Variants in PATJ observed in about 807,000 individuals in gnomAD.
The protein encoded by PATJ is PATJ crumbs cell polarity complex component, also known as inaD-like protein.
In PATJ, 190 loss-of-function variants were observed where a neutral mutation model predicts 224.9. The ratio of observed to expected loss-of-function variants is 0.84; its 90% confidence interval spans 0.75 to 0.95. The LOEUF (loss-of-function observed/expected upper bound fraction) is 0.95. PATJ is among the 40% of genes least tolerant of loss of function. PATJ has a pLI of 0.00. For missense variants in PATJ, 2,121 were observed against 2,270.3 expected, an observed-to-expected ratio of 0.93 and a Z score of 1.34; for synonymous variants, 769 against 820.3, an observed-to-expected ratio of 0.94 and a Z score of 1.07.
chr1:61,806,358 G>A (rs1318771235), intron 13 of PATJ, among the ~76,000 whole-genome samples: 2 of 152,098 alleles, frequency 1.3e-5, no homozygotes, highest in South Asian at 4.1e-4. Context: ...GGTGGCTCAC[G>A]CCTGTAATTC....
At chr1:62,148,624 A>T (rs1668317570) in intron 42 of PATJ, among the ~76,000 whole-genome samples, 1 of 152,168 alleles carries the variant, frequency 6.6e-6, no homozygotes, top group Non-Finnish European at 1.5e-5. Flanking sequence ...CACAGTGCCT[A>T]TGCCTGCTTC....
intron 14 of PATJ, among the ~76,000 whole-genome samples, chr1:61,809,917 C>T (rs990314897): frequency 6.7e-6 from 1 of 150,214 alleles, no homozygotes; most frequent in African/African-American, 2.4e-5. Flanking sequence ...ATGATCTCAG[C>T]TCATTGCAAC....
rs200148785 is a variant in PATJ, at chr1:62,130,800, G to A, written c.5271+1855G>A. Among the ~76,000 whole-genome samples, 80 of 152,178 alleles carry A rather than the reference G, an allele frequency of 5.3e-4. 1 individual carries two copies. The highest frequency in any genetic ancestry group is 8.1e-4 in the Non-Finnish European group (55 of 67,988). On this transcript the variant is annotated intron_variant, in intron 41 of 43. Coordinates refer to ENST00000642238, the MANE Select transcript of PATJ (RefSeq NM_001350145.3). ...TGGGAGGCAGAGCTTGCAGTGAGAC[G>A]AGATGGCACCACTGCACTCCATCCT...
intron 7 of PATJ, among the ~76,000 whole-genome samples, chr1:61,779,046 A>G (rs1570437335): frequency 1.4e-5 from 2 of 141,128 alleles, no homozygotes; most frequent in Non-Finnish European, 3.3e-5. Context: ...ATATAATGAC[A>G]TAATATACAT....
intron 1 of PATJ, among the ~76,000 whole-genome samples, chr1:61,748,929 C>T (rs1645174243): frequency 6.6e-6 from 1 of 152,172 alleles, no homozygotes; most frequent in South Asian, 2.1e-4. Context: ...ATGTGCTAGG[C>T]CAAATGCTCT....
chr1:62,156,692 G>A (rs1257121246), intron 43 of PATJ, among the ~76,000 whole-genome samples: 1 of 151,712 alleles, frequency 6.6e-6, no homozygotes, highest in East Asian at 2.0e-4. Context: ...GAGGTAGGAG[G>A]ATGGCTTGAG....
intron 30 of PATJ, among the ~76,000 whole-genome samples, chr1:62,048,902 C>T (rs1570320937): frequency 1.3e-5 from 2 of 152,014 alleles, no homozygotes; most frequent in Non-Finnish European, 2.9e-5. Flanking sequence ...AAGTATAATT[C>T]AAACATTCCA....
At chr1:61,900,187 T>C (rs1420945837) in intron 23 of PATJ, among the ~76,000 whole-genome samples, 1 of 152,246 alleles carries the variant, frequency 6.6e-6, no homozygotes, top group East Asian at 1.9e-4. Flanking sequence ...AGTCTTCCTT[T>C]AGCTGCTCTC....
chr1:62,082,741 TAG>T (rs1659437162), intron 32 of PATJ, among the ~76,000 whole-genome samples: 1 of 152,232 alleles, frequency 6.6e-6, no homozygotes, highest in Non-Finnish European at 1.5e-5. Flanking sequence ...CACTGAGATT[TAG>T]ACTCATATCA....
chr1:61,767,874 A>G (rs1646375754), intron 4 of PATJ, among the ~76,000 whole-genome samples: 1 of 151,516 alleles, frequency 6.6e-6, no homozygotes, highest in Admixed American at 6.6e-5. Context: ...ACAGGGTTTC[A>G]CCATGTTGGC....
intron 33 of PATJ, among the ~76,000 whole-genome samples, chr1:62,098,324 A>G (rs1661645203): frequency 1.4e-5 from 2 of 146,340 alleles, no homozygotes; most frequent in African/African-American, 5.2e-5. Context: ...GCACGACTGC[A>G]CTCCAGCCTG....
chr1:62,067,582 A>C (rs1484043872), intron 31 of PATJ, among the ~76,000 whole-genome samples: 1 of 152,312 alleles, frequency 6.6e-6, no homozygotes, highest in Middle Eastern at 3.4e-3. Flanking sequence ...TATGGCCTAC[A>C]TGCAGGAATG....
chr1:62,042,021 T>G (rs79210664), intron 30 of PATJ, among the ~76,000 whole-genome samples: 5,864 of 151,588 alleles, frequency 0.039, 299 homozygotes, highest in East Asian at 0.27. Flanking sequence ...ATAATAATAA[T>G]AAGAAAATAA....
chr1:61,883,916 A>G lies in PATJ; in HGVS notation c.2960-321A>G, dbSNP rs191678270. Among the ~76,000 whole-genome samples, 116 of 151,124 alleles carry G rather than the reference A, an allele frequency of 7.7e-4. 2 individuals carry two copies. In the East Asian group the frequency reaches 0.022, roughly 29 times the overall value. ...GTCAGAGTACTTATTAGGAAAGCTT[A>G]AGTTGATAAGAGAAAATGTGTAGTA... On this transcript the variant is annotated intron_variant, in intron 21 of 43. Coordinates refer to ENST00000642238, the MANE Select transcript of PATJ (RefSeq NM_001350145.3).
chr1:61,911,444 C>T (rs564831007), intron 25 of PATJ, among the ~76,000 whole-genome samples: 1 of 152,172 alleles, frequency 6.6e-6, no homozygotes, highest in South Asian at 2.1e-4. Context: ...GAACTCCTGA[C>T]CTCGTGATCC....
In PATJ at chr1:62,132,236, T is replaced by G. The variant is rs145372674; in HGVS notation, c.5271+3291T>G. 1.2e-4 allele frequency among the ~76,000 whole-genome samples: 18 copies of G among 152,318 alleles called. No homozygotes were observed. The East Asian group carries it at 3.1e-3, about 26-fold the overall frequency. On this transcript the variant is annotated intron_variant, in intron 41 of 43. Coordinates refer to ENST00000642238, the MANE Select transcript of PATJ (RefSeq NM_001350145.3). ...CTTTATCTTCCACAATAAGAAGTGA[T>G]TAGATATCAAAAATTTTAAAATCAA...
At position 61,903,855 on chromosome 1, in the gene PATJ, C is replaced by T. The variant is rs536830370; in HGVS notation, c.3381+2396C>T. ...TGGCGCAATCTCAGCTCACTGCAACCTCCACCTCCCAGGTTCAAGCAATTC... is the reference window on the plus strand; with the variant it reads ...TGGCGCAATCTCAGCTCACTGCAACTTCCACCTCCCAGGTTCAAGCAATTC... On this transcript the variant is annotated intron_variant, in intron 24 of 43. Coordinates refer to ENST00000642238, the MANE Select transcript of PATJ (RefSeq NM_001350145.3). 5.3e-5 allele frequency among the ~76,000 whole-genome samples: 8 copies of T among 151,122 alleles called. No individual in the cohort carries two copies. In the South Asian group the frequency reaches 1.7e-3, roughly 32 times the overall value.
chr1:61,768,128 G>A (rs903337779), intron 4 of PATJ, among the ~76,000 whole-genome samples: 3 of 152,004 alleles, frequency 2.0e-5, no homozygotes, highest in African/African-American at 7.2e-5. Context: ...GGTAGAACCC[G>A]TGTAAATGGT....
intron 29 of PATJ, among the ~76,000 whole-genome samples, chr1:62,032,840 G>T (rs555879839): frequency 6.6e-5 from 10 of 152,058 alleles, no homozygotes; most frequent in Non-Finnish European, 1.5e-4. Flanking sequence ...TGTCTGGGGG[G>T]GCCTCAAGAA....
Sources: gnomAD v4.1 joint callset for allele counts (sites outside exome capture counted in the v4.1 genomes callset) on GRCh38, gnomAD v4.1.1 for gene constraint, MANE v1.5 for transcripts, NCBI Gene and HGNC (gene_info 2026-07-23, HGNC 2026-07-21) for gene names.